Variants in SCAPER observed in about 807,000 individuals in gnomAD.
SCAPER encodes S-phase cyclin A associated protein in the ER, also known as S phase cyclin A-associated protein in the endoplasmic reticulum.
Under a neutral mutation model 182.2 loss-of-function variants are expected in SCAPER, and 98 were observed. The observed-to-expected ratio is 0.54, with a 90% CI of 0.46 to 0.64. The LOEUF (loss-of-function observed/expected upper bound fraction) is 0.64. Among genes scored for constraint, SCAPER ranks in the 30% least tolerant of loss-of-function variants. The pLI is 0.00. For missense variants in SCAPER, 1,432 were observed against 1,690.0 expected (o/e 0.85, Z 2.68); for synonymous variants, 605 against 564.6 (o/e 1.07, Z -1.01).
intron 29 of SCAPER, among the ~76,000 whole-genome samples, chr15:76,371,528 C>T (rs1188799682): frequency 7.9e-5 from 12 of 151,714 alleles, no homozygotes; most frequent in African/African-American, 2.7e-4. Flanking sequence ...CCATGTTGGC[C>T]AGGCTGGTCT....
Position 76,841,728 on chromosome 15 carries a change from C to A in SCAPER, c.393+6G>T, listed in dbSNP as rs2069504084. 1 of 1,613,416 alleles carries A rather than the reference C, an allele frequency of 6.2e-7. No homozygotes were observed. The highest frequency in any genetic ancestry group is 1.7e-5 in the Admixed American group (1 of 59,882). On this transcript the variant is annotated splice_donor_region_variant and intron_variant, in intron 5 of 31. Coordinates refer to ENST00000563290, the MANE Select transcript of SCAPER (RefSeq NM_020843.4). ...ATGGATTACAAGGCCTCAAAGCAAA[C>A]CTTACCTTACATTCGACCACACTCT...
In SCAPER at chr15:76,581,489, C is replaced by CA. The variant is rs112774849; in HGVS notation, c.2712-7206dup. Among the ~76,000 whole-genome samples the CA allele has an allele frequency of 8.1e-3, 1,227 of 152,288 alleles. 11 individuals carry two copies. Among genetic ancestry groups the CA allele is most frequent in the African/African-American group, 0.028 (1,166 of 41,556 alleles). On this transcript the variant is annotated intron_variant, in intron 22 of 31. Transcript: ENST00000563290. ...CCAAATGAGATTTATCCCAGGGATGCAAGGATGGTTCAACATACGCAAAGC... is the reference window on the plus strand; with the variant it reads ...CCAAATGAGATTTATCCCAGGGATGCAAAGGATGGTTCAACATACGCAAAGC...
intron 25 of SCAPER, among the ~76,000 whole-genome samples, chr15:76,442,726 A>G (rs963448716): frequency 1.3e-5 from 2 of 152,202 alleles, no homozygotes; most frequent in African/African-American, 4.8e-5. Context: ...AGCAACTTAC[A>G]CAAGATCTTG....
At chr15:76,419,440 G>C (rs963696058) in intron 26 of SCAPER, among the ~76,000 whole-genome samples, 1 of 152,018 alleles carries the variant, frequency 6.6e-6, no homozygotes, top group African/African-American at 2.4e-5. Flanking sequence ...CTAATTCTCG[G>C]CCGGGCACGG....
intron 27 of SCAPER, among the ~76,000 whole-genome samples, chr15:76,395,953 T>G (rs1377733119): frequency 6.6e-6 from 1 of 152,192 alleles, no homozygotes; most frequent in Non-Finnish European, 1.5e-5. Flanking sequence ...CCCAATGTTT[T>G]CTTGTAGTAG....
chr15:76,763,883 T>A (rs1471381645), intron 14 of SCAPER, among the ~76,000 whole-genome samples: 1 of 152,214 alleles, frequency 6.6e-6, no homozygotes, highest in African/African-American at 2.4e-5. Context: ...ACATTATTTA[T>A]CTGTGTTCTC....
chr15:76,667,498 T>C (rs993952411), intron 20 of SCAPER, among the ~76,000 whole-genome samples: 2 of 151,950 alleles, frequency 1.3e-5, no homozygotes, highest in African/African-American at 4.8e-5. Flanking sequence ...CTGACCTCTC[T>C]CCTGAACTCC....
intron 5 of SCAPER, among the ~76,000 whole-genome samples, chr15:76,812,528 A>G (rs866805732): frequency 6.6e-6 from 1 of 151,806 alleles, no homozygotes; most frequent in African/African-American, 2.4e-5. Context: ...ACAGACATCA[A>G]TAAAACAAAG....
chr15:76,759,769 T>C (rs956160754), intron 14 of SCAPER, among the ~76,000 whole-genome samples: 3 of 152,192 alleles, frequency 2.0e-5, no homozygotes, highest in Non-Finnish European at 2.9e-5. Flanking sequence ...ATTGCATTTA[T>C]AGATTTTAGT....
chr15:76,409,894 C>T (rs1242662506), intron 26 of SCAPER, among the ~76,000 whole-genome samples: 4 of 151,896 alleles, frequency 2.6e-5, no homozygotes, highest in African/African-American at 9.7e-5. Context: ...ACTCAAGGGT[C>T]CTCCCACCTC....
At position 76,841,940 on chromosome 15, in the gene SCAPER, GTAAAA is replaced by G; in HGVS notation, c.196-14_196-10del. The stretch of plus-strand genomic sequence containing the variant: ...CAGTCCACTGCAGTACTCTGGTGAA[GTAAAA>G]TAAAACATGAAAATAAATAAATAAA... On this transcript the variant is annotated splice_polypyrimidine_tract_variant and intron_variant, in intron 4 of 31. Coordinates refer to ENST00000563290, the MANE Select transcript of SCAPER (RefSeq NM_020843.4). 1 of 1,586,824 alleles carries G rather than the reference GTAAAA, an allele frequency of 6.3e-7. No homozygotes were observed. Among genetic ancestry groups the G allele is most frequent in the Admixed American group, 1.8e-5 (1 of 56,002 alleles).
chr15:76,612,707 CTAAT>C (rs1354647062), intron 22 of SCAPER, among the ~76,000 whole-genome samples: 4 of 152,166 alleles, frequency 2.6e-5, no homozygotes, highest in African/African-American at 9.7e-5. Context: ...AGGAATACAG[CTAAT>C]TAGAGAGGTA....
Position 76,478,488 on chromosome 15 carries a change from T to C in SCAPER, c.2955-7153A>G, listed in dbSNP as rs577666091. Among the ~76,000 whole-genome samples the C allele has an allele frequency of 1.4e-4, 22 of 152,238 alleles. No individual in the cohort carries two copies. In the South Asian group the frequency reaches 4.1e-3, roughly 29 times the overall value. ...GTGCTTTAAAAATTCTTTCTCACTCTCACTATGAGATGAGGTAATTATTCA... is the reference window on the plus strand; with the variant it reads ...GTGCTTTAAAAATTCTTTCTCACTCCCACTATGAGATGAGGTAATTATTCA... On this transcript the variant is annotated intron_variant, in intron 24 of 31. Transcript: ENST00000563290.
At chr15:76,804,170 G>A (rs371607094) in intron 6 of SCAPER, among the ~76,000 whole-genome samples, 7 of 152,186 alleles carry the variant, frequency 4.6e-5, no homozygotes, top group African/African-American at 1.2e-4. Flanking sequence ...CACTTCTTCC[G>A]CATCCTCCTG....
At position 76,766,950 on chromosome 15, in the gene SCAPER, T is replaced by C; in HGVS notation, c.1387A>G (p.Asn463Asp). The C allele has an allele frequency of 6.2e-7, 1 of 1,608,330 alleles. No homozygotes were observed. Among genetic ancestry groups the C allele is most frequent in the South Asian group, 1.1e-5 (1 of 89,408 alleles). ...EIEAEENNDINIETDNDSDFS... is the reference protein window; with the variant it reads ...EIEAEENNDIDIETDNDSDFS... Reference sequence around the variant, plus strand: ...TCACTGTCGTTGTCAGTTTCAATGTTAATATCATTGTTTTCTTCAGCTTCA... The same window carrying C: ...TCACTGTCGTTGTCAGTTTCAATGTCAATATCATTGTTTTCTTCAGCTTCA... Residue 463 changes from asparagine to aspartate, a missense_variant, in exon 11 of 32, where the codon AAC becomes GAC. Asn to Asp is a conservative substitution (Grantham distance 23, BLOSUM62 1). This residue lies in a region of SCAPER where 128 missense variants were observed against 149.9 expected (regional missense o/e 0.85). Coordinates refer to ENST00000563290, the MANE Select transcript of SCAPER (RefSeq NM_020843.4).
rs975761171 is a variant in SCAPER at position 76,655,181 on chromosome 15, A to C, written c.2645+10472T>G. Among the ~76,000 whole-genome samples, 18 of 152,378 alleles carry C rather than the reference A, an allele frequency of 1.2e-4. 1 individual carries two copies. Among genetic ancestry groups the C allele is most frequent in the African/African-American group, 3.8e-4 (16 of 41,588 alleles). ...AAAATAATACAGGAGCTGAGAGACA[A>C]AACAGTCATTTTAAGAAAGAACCAA... On this transcript the variant is annotated intron_variant, in intron 21 of 31. Coordinates refer to ENST00000563290, the MANE Select transcript of SCAPER (RefSeq NM_020843.4).
At chr15:76,459,986 G>C (rs1201998803) in intron 25 of SCAPER, among the ~76,000 whole-genome samples, 1 of 152,102 alleles carries the variant, frequency 6.6e-6, no homozygotes, top group Non-Finnish European at 1.5e-5. Context: ...CTGCAAATAA[G>C]TGGATTTATT....
intron 5 of SCAPER, among the ~76,000 whole-genome samples, chr15:76,840,053 T>C (rs2151765133): frequency 6.6e-6 from 1 of 152,294 alleles, no homozygotes; most frequent in Non-Finnish European, 1.5e-5. Flanking sequence ...AGTCCAGTAG[T>C]GTCTTCTACC....
intron 23 of SCAPER, among the ~76,000 whole-genome samples, chr15:76,511,843 A>ATATGTGTGTGTG (rs151255382): frequency 1.7e-4 from 21 of 123,296 alleles, no homozygotes; most frequent in African/African-American, 6.4e-4. Context: ...ATATATATAT[A>ATATGTGTGTGTG]TGTGTGTGTG....
Sources: allele counts gnomAD v4.1 joint callset (sites outside exome capture counted in the v4.1 genomes callset), GRCh38; gene constraint gnomAD v4.1.1; regional missense constraint gnomAD v4.1.1; transcripts MANE v1.5; gene names NCBI Gene and HGNC (gene_info 2026-07-23, HGNC 2026-07-21).